The following USP3 variants were observed in gnomAD, a reference collection of about 807,000 sequenced individuals.
The protein encoded by USP3 is ubiquitin specific peptidase 3.
Under a neutral mutation model 72.3 loss-of-function variants are expected in USP3, and 20 were observed. That is an observed-to-expected ratio of 0.28 (90% CI 0.19 to 0.40). The LOEUF (loss-of-function observed/expected upper bound fraction) is 0.40, where lower values mean the gene tolerates loss of function less well. Ranked by LOEUF, USP3 falls within the 10% of genes least tolerant of loss-of-function variation. USP3 has a pLI of 1.00. For missense variants in USP3, 479 were observed against 633.9 expected (o/e 0.76, Z 2.62); for synonymous variants, 222 against 225.3 (o/e 0.99, Z 0.13).
chr15:63,536,899 C>A, intron 2 of USP3, 126 bp from the exon 3 acceptor site: 2 of 1,005,258 alleles, frequency 2.0e-6, no homozygotes, highest in Non-Finnish European at 2.9e-6. Context: ...TAATAAATCA[C>A]TACATGATTG....
intron 1 of USP3, among the ~76,000 whole-genome samples, chr15:63,521,517 T>G (rs2065920589): frequency 6.6e-6 from 1 of 152,242 alleles, no homozygotes; most frequent in South Asian, 2.1e-4. Flanking sequence ...AGTGAAATAC[T>G]TATCTATCGT....
At chr15:63,534,109 G>C (rs547282086) in intron 2 of USP3, among the ~76,000 whole-genome samples, 1 of 152,124 alleles carries the variant, frequency 6.6e-6, no homozygotes, top group Non-Finnish European at 1.5e-5. Flanking sequence ...TCTAGCCTCT[G>C]CAGGTGGACT....
chr15:63,561,629 A>C (rs777494662), intron 7 of USP3, among the ~76,000 whole-genome samples: 17 of 152,216 alleles, frequency 1.1e-4, no homozygotes, highest in Non-Finnish European at 2.1e-4. Flanking sequence ...CCTGCTTCGG[A>C]TGGGCAAAGC....
Position 63,570,621 on chromosome 15 carries a change from CA to C in USP3, c.908+43del. The C allele has an allele frequency of 6.4e-7, 1 of 1,569,896 alleles. No homozygotes were observed. Among genetic ancestry groups the C allele is most frequent in the Non-Finnish European group, 8.6e-7 (1 of 1,159,060 alleles). On this transcript the variant is annotated intron_variant, in intron 9 of 14. Coordinates refer to ENST00000380324, the MANE Select transcript of USP3 (RefSeq NM_006537.4). The surrounding 1 kb of genome is among the most constrained non-coding windows in gnomAD (Gnocchi z 4.4). ...TTCTGTTTTTTAGGAGGGCCTCAGA[CA>C]TTTCTTTTGGTGTTAATTATGTGTT...
At chr15:63,515,882 C>T (rs940438476) in intron 1 of USP3, among the ~76,000 whole-genome samples, 3 of 152,208 alleles carry the variant, frequency 2.0e-5, no homozygotes, top group Admixed American at 6.5e-5. Context: ...CAGACAATCT[C>T]TGTAGGCTCT....
chr15:63,540,339 T>C lies in USP3; in HGVS notation c.284+3183T>C, dbSNP rs971657494. On this transcript the variant is annotated intron_variant, in intron 3 of 14. Coordinates refer to ENST00000380324, the MANE Select transcript of USP3 (RefSeq NM_006537.4). ...GAACTCACAGCTCTTGGAATACTTA[T>C]AATTTCATGCTGCATGTTAGTTATT... is the stretch of plus-strand genomic sequence containing the variant. 3.3e-5 allele frequency among the ~76,000 whole-genome samples: 5 copies of C among 152,376 alleles called. No individual in the cohort carries two copies. In the East Asian group the frequency reaches 7.7e-4, roughly 23 times the overall value.
rs1208120800 is a variant in USP3, at chr15:63,544,037, C to T, written c.284+6881C>T. Among the ~76,000 whole-genome samples, 1 of 143,422 alleles carries T rather than the reference C, an allele frequency of 7.0e-6. No individual in the cohort carries two copies. Among genetic ancestry groups the T allele is most frequent in the African/African-American group, 2.6e-5 (1 of 38,422 alleles). The allele number at this position is 143,422 out of a possible 152,430, so 94.1% of individuals were successfully genotyped here. ...CCAGCCTGGGCAACACAGGGAGACACTGTCTTTAAAAAAAAAAAAAAAGGA... is the reference window on the plus strand; with the variant it reads ...CCAGCCTGGGCAACACAGGGAGACATTGTCTTTAAAAAAAAAAAAAAAGGA... On this transcript the variant is annotated intron_variant, in intron 3 of 14. Coordinates refer to ENST00000380324, the MANE Select transcript of USP3 (RefSeq NM_006537.4). This position sits in a 1 kb window ranked among gnomAD's most constrained non-coding sequence, Gnocchi z 4.2.
At chr15:63,564,534 G>T (rs2066657610) in intron 8 of USP3, among the ~76,000 whole-genome samples, 1 of 152,174 alleles carries the variant, frequency 6.6e-6, no homozygotes, top group Non-Finnish European at 1.5e-5. Context: ...ATTTTATACA[G>T]TAGAAATCTG....
intron 1 of USP3, among the ~76,000 whole-genome samples, chr15:63,532,207 A>C (rs1036211128): frequency 1.3e-5 from 2 of 152,354 alleles, no homozygotes; most frequent in South Asian, 4.1e-4. Flanking sequence ...TTGTAACCTT[A>C]TGTTGTGCCT....
chr15:63,544,638 G>A lies in USP3; in HGVS notation c.284+7482G>A. 1.4e-6 allele frequency: 1 copy of A among 697,226 alleles called. No individual in the cohort carries two copies. The highest frequency in any genetic ancestry group is 2.0e-5 in the Admixed American group (1 of 49,216). 43.2% of individuals were successfully genotyped at this position (697,226 alleles called of 1,614,324 possible). On this transcript the variant is annotated intron_variant, in intron 3 of 14. Transcript: ENST00000380324. This position sits in a 1 kb window ranked among gnomAD's most constrained non-coding sequence, Gnocchi z 4.2. Reference sequence around the variant, plus strand: ...CTGTGTGTTTTCATTTTTGGAGAATGGGGGAAGAATGTAAAGATGGAGATG... The same window carrying A: ...CTGTGTGTTTTCATTTTTGGAGAATAGGGGAAGAATGTAAAGATGGAGATG...
intron 5 of USP3, among the ~76,000 whole-genome samples, chr15:63,557,681 T>A (rs2066536414): frequency 6.6e-6 from 1 of 152,232 alleles, no homozygotes; most frequent in Non-Finnish European, 1.5e-5. Flanking sequence ...GTATTGGTCG[T>A]TTATGTATGG....
In USP3 at chr15:63,544,552, G is replaced by A; in HGVS notation, c.284+7396G>A. The stretch of plus-strand genomic sequence containing the variant: ...AAGGAAACGAGTGTTTCTAAAGTTA[G>A]AATTTTTTAAAGGAAGTAAACCTAC... On this transcript the variant is annotated intron_variant, in intron 3 of 14. Transcript: ENST00000380324. The surrounding 1 kb of genome is among the most constrained non-coding windows in gnomAD (Gnocchi z 4.2). The A allele has an allele frequency of 1.7e-6, 1 of 584,104 alleles. No individual in the cohort carries two copies. Among genetic ancestry groups the A allele is most frequent in the Non-Finnish European group, 3.0e-6 (1 of 330,584 alleles). 36.2% of individuals were successfully genotyped at this position (584,104 alleles called of 1,614,324 possible). A position where few individuals can be genotyped will look rare whatever the true frequency, so the allele number is the denominator to read the frequency against.
intron 1 of USP3, among the ~76,000 whole-genome samples, chr15:63,519,117 A>T (rs1567092155): frequency 1.3e-5 from 2 of 152,138 alleles, no homozygotes; most frequent in Admixed American, 6.5e-5. Flanking sequence ...GACAGTTGAT[A>T]CTGATAGAAT....
At chr15:63,512,906 A>T (rs2065809067) in intron 1 of USP3, among the ~76,000 whole-genome samples, 1 of 152,234 alleles carries the variant, frequency 6.6e-6, no homozygotes, top group Non-Finnish European at 1.5e-5. Flanking sequence ...AAGTGTTTGC[A>T]TTAGTTAGAT....
In USP3 at chr15:63,544,248, G is replaced by A. The variant is rs2066288165; in HGVS notation, c.284+7092G>A. On this transcript the variant is annotated intron_variant, in intron 3 of 14. Transcript: ENST00000380324. This position sits in a 1 kb window ranked among gnomAD's most constrained non-coding sequence, Gnocchi z 4.2. ...ATAGAATATATATAGAGAGGGTAGT[G>A]GATACTCAGTTTTGTGGTTTATTTT... The A allele has an allele frequency of 6.6e-6, 1 of 151,466 alleles. No individual in the cohort carries two copies. Among genetic ancestry groups the A allele is most frequent in the Non-Finnish European group, 1.5e-5 (1 of 68,616 alleles). 9.4% of individuals were successfully genotyped at this position (151,466 alleles called of 1,614,324 possible).
At position 63,570,557 on chromosome 15, in the gene USP3, T is replaced by G; in HGVS notation, c.886T>G (p.Ser296Ala). The change falls in exon 9 of 15, where the codon TCT becomes GCT. Residue 296 changes from serine to alanine, a missense_variant. Physicochemically the swap from Ser to Ala is moderately conservative, Grantham distance 99. Coordinates refer to ENST00000380324, the MANE Select transcript of USP3 (RefSeq NM_006537.4). The surrounding 1 kb of genome is among the most constrained non-coding windows in gnomAD (Gnocchi z 4.4). ...SAILQENSTL[S>A]ASNKCCINGA... ...AATTCTGCAGGAGAATTCTACTCTGTCTGCAAGTAACAAGTGTTGCATGTA... is the reference window on the plus strand; with the variant it reads ...AATTCTGCAGGAGAATTCTACTCTGGCTGCAAGTAACAAGTGTTGCATGTA... 1 of 1,613,406 alleles carries G rather than the reference T, an allele frequency of 6.2e-7. No homozygotes were observed. Among genetic ancestry groups the G allele is most frequent in the Non-Finnish European group, 8.5e-7 (1 of 1,179,670 alleles).
intron 3 of USP3, among the ~76,000 whole-genome samples, chr15:63,551,012 A>C (rs1355824042): frequency 6.6e-6 from 1 of 152,226 alleles, no homozygotes; most frequent in Non-Finnish European, 1.5e-5. Flanking sequence ...AAAGAAAAAA[A>C]TAATCCAAGC....
Position 63,588,145 on chromosome 15 carries a change from G to C in USP3, c.1097-160G>C, listed in dbSNP as rs1394959855. The C allele has an allele frequency of 1.9e-6, 1 of 535,606 alleles. No homozygotes were observed. Among genetic ancestry groups the C allele is most frequent in the Non-Finnish European group, 3.3e-6 (1 of 306,484 alleles). The allele number at this position is 535,606 out of a possible 1,614,324, so 33.2% of individuals were successfully genotyped here. On this transcript the variant is annotated intron_variant, in intron 11 of 14. Coordinates refer to ENST00000380324, the MANE Select transcript of USP3 (RefSeq NM_006537.4). The surrounding 1 kb of genome is among the most constrained non-coding windows in gnomAD (Gnocchi z 4.6). ...TTCCTTATAATAGTTCTTCAAAGTA[G>C]GTATTATTTTTTGTCTCCAGTTTGC...
chr15:63,578,611 C>G (rs1595767860), intron 11 of USP3, among the ~76,000 whole-genome samples: 1 of 96,114 alleles, frequency 1.0e-5, no homozygotes, highest in Non-Finnish European at 2.0e-5. Context: ...GACTCCGTCT[C>G]AGAAAAAAAA....
Sources: allele counts gnomAD v4.1 joint callset (sites outside exome capture counted in the v4.1 genomes callset), GRCh38; gene constraint gnomAD v4.1.1; non-coding constraint Gnocchi (gnomAD v3.1); transcripts MANE v1.5; gene names NCBI Gene and HGNC (gene_info 2026-07-23, HGNC 2026-07-21).